Variants in OTOGL observed in about 807,000 individuals in gnomAD.
OTOGL encodes otogelin-like protein.
Under a neutral mutation model 318.5 loss-of-function variants are expected in OTOGL, and 285 were observed. That is an observed-to-expected ratio of 0.89 (90% confidence interval 0.81 to 0.99). The LOEUF (loss-of-function observed/expected upper bound fraction) is 0.99. Among genes scored for constraint, OTOGL ranks in the 50% least tolerant of loss-of-function variants. The probability of loss-of-function intolerance (pLI) is 0.00; values close to 1 mark genes in which losing one functional copy is unlikely to be tolerated. For synonymous variants in OTOGL, 987 were observed against 936.5 expected (o/e 1.05, Z -0.99); for missense variants, 2,899 against 2,845.6 (o/e 1.02, Z -0.43).
chr12:80,328,957 C>T, intron 36 of OTOGL, 94 bp from the exon 37 acceptor site: 8 of 1,241,100 alleles, frequency 6.4e-6, no homozygotes, highest in Non-Finnish European at 6.7e-6. Context: ...TTTCCCAAAA[C>T]ATTTTCCTTG....
intron 19 of OTOGL, 134 bp from the exon 20 acceptor site, chr12:80,264,867 A>G (rs1299143335): frequency 1.1e-6 from 1 of 932,246 alleles, no homozygotes; most frequent in African/African-American, 1.7e-5. Flanking sequence ...CAAAAACTGT[A>G]TAAGCTGAAA....
At chr12:80,375,433 C>G (rs1469845376) in intron 57 of OTOGL, among the ~76,000 whole-genome samples, 1 of 152,022 alleles carries the variant, frequency 6.6e-6, no homozygotes, top group African/African-American at 2.4e-5. Context: ...TGCTCATTAT[C>G]AAGAAGGGGA....
intron 1 of OTOGL, among the ~76,000 whole-genome samples, chr12:80,155,194 A>G (rs1301615098): frequency 6.6e-6 from 1 of 152,188 alleles, no homozygotes; most frequent in Admixed American, 6.5e-5. Context: ...TATCAGATAT[A>G]TCTTTTGCAA....
chr12:80,216,495 T>C (rs573104711), intron 4 of OTOGL, among the ~76,000 whole-genome samples: 12 of 152,320 alleles, frequency 7.9e-5, no homozygotes, highest in African/African-American at 2.6e-4. Context: ...AAGCCACAAC[T>C]ATTTGCTACT....
At chr12:80,145,003 G>A (rs1872243163) in intron 1 of OTOGL, among the ~76,000 whole-genome samples, 1 of 151,310 alleles carries the variant, frequency 6.6e-6, no homozygotes, top group East Asian at 1.9e-4. Flanking sequence ...CCATGTTGTA[G>A]GTTGCCTGTT....
chr12:80,143,513 C>G (rs1872092067), intron 1 of OTOGL, among the ~76,000 whole-genome samples: 1 of 152,116 alleles, frequency 6.6e-6, no homozygotes. Flanking sequence ...GCCTTAATTT[C>G]TCCCATTTTT....
chr12:80,365,164 G>A (rs74916037), intron 52 of OTOGL, among the ~76,000 whole-genome samples: 5,563 of 152,050 alleles, frequency 0.037, 164 homozygotes, highest in Middle Eastern at 0.068. Flanking sequence ...ATGTACTGAT[G>A]AGAAATGAAA....
intron 4 of OTOGL, among the ~76,000 whole-genome samples, chr12:80,216,217 A>G (rs183804950): frequency 7.8e-4 from 119 of 152,322 alleles, no homozygotes; most frequent in African/African-American, 2.8e-3. Flanking sequence ...GGAAAATGTC[A>G]AAATAAAACT....
At chr12:80,164,850 G>T (rs1366735358) in intron 1 of OTOGL, among the ~76,000 whole-genome samples, 1 of 152,046 alleles carries the variant, frequency 6.6e-6, no homozygotes, top group Admixed American at 6.6e-5. Context: ...AAGAAAAGAG[G>T]TTTAATTGGC....
chr12:80,196,256 A>G lies in OTOGL; in HGVS notation c.-19-13157A>G, dbSNP rs143783869. On this transcript the variant is annotated intron_variant, in intron 1 of 58. Transcript: ENST00000547103. ...GCTTAATTTGTACCCTCTGTTTAAA[A>G]TGCAGTCAATGCAATTTTTCCCAGG... 2.0e-5 allele frequency among the ~76,000 whole-genome samples: 3 copies of G among 152,278 alleles called. No individual in the cohort carries two copies. In the East Asian group the frequency reaches 5.8e-4, roughly 29 times the overall value.
intron 8 of OTOGL, among the ~76,000 whole-genome samples, chr12:80,230,658 T>G (rs939920193): frequency 1.3e-5 from 2 of 152,204 alleles, no homozygotes; most frequent in Admixed American, 6.5e-5. Flanking sequence ...GTGGTCTTCT[T>G]ATTCAGCAAT....
intron 4 of OTOGL, among the ~76,000 whole-genome samples, chr12:80,215,309 G>T (rs891904198): frequency 1.3e-5 from 2 of 151,798 alleles, no homozygotes; most frequent in Non-Finnish European, 2.9e-5. Flanking sequence ...GGGATTATAG[G>T]CACATACCAC....
chr12:80,287,905 T>C (rs1884756910), intron 26 of OTOGL, among the ~76,000 whole-genome samples: 2 of 152,192 alleles, frequency 1.3e-5, no homozygotes, highest in Admixed American at 1.3e-4. Flanking sequence ...CCATTTAAGG[T>C]TAATATTTTT....
At chr12:80,318,455 T>C (rs1887109615) in intron 32 of OTOGL, 91 bp from the exon 33 acceptor site, 1 of 906,684 alleles carries the variant, frequency 1.1e-6, no homozygotes, top group Non-Finnish European at 1.5e-6. Flanking sequence ...ATTTTTGAAG[T>C]ATTTTGTTAT....
At chr12:80,339,054 G>A (rs1283640048) in intron 42 of OTOGL, 21 bp from the exon 43 acceptor site, 2 of 1,537,408 alleles carry the variant, frequency 1.3e-6, no homozygotes, top group African/African-American at 2.8e-5. Flanking sequence ...TTTCTTAACA[G>A]GTGTATTTAT....
intron 1 of OTOGL, among the ~76,000 whole-genome samples, chr12:80,204,455 C>G (rs1876675100): frequency 6.6e-6 from 1 of 151,998 alleles, no homozygotes. Flanking sequence ...TAATTGGATC[C>G]AAGTATAGCA....
intron 1 of OTOGL, among the ~76,000 whole-genome samples, chr12:80,135,884 G>T (rs1246842197): frequency 1.3e-5 from 2 of 152,208 alleles, no homozygotes; most frequent in Admixed American, 6.5e-5. Context: ...GAGTGAGAGA[G>T]AATTCTCCTG....
intron 13 of OTOGL, among the ~76,000 whole-genome samples, chr12:80,252,661 A>G (rs575364053): frequency 6.6e-6 from 1 of 152,314 alleles, no homozygotes; most frequent in African/African-American, 2.4e-5. Flanking sequence ...CTGTTTCTAA[A>G]GAACACTGAG....
At chr12:80,129,254 T>A (rs1283980029) in intron 1 of OTOGL, among the ~76,000 whole-genome samples, 1 of 152,224 alleles carries the variant, frequency 6.6e-6, no homozygotes, top group East Asian at 1.9e-4. Context: ...GTGTAAGATT[T>A]GAATTAAAAA....
Sources: gnomAD v4.1 joint callset for allele counts (sites outside exome capture counted in the v4.1 genomes callset) on GRCh38, gnomAD v4.1.1 for gene constraint, MANE v1.5 for transcripts, NCBI Gene and HGNC (gene_info 2026-07-23, HGNC 2026-07-21) for gene names.